The following GREB1L variants were observed in gnomAD, a reference collection of about 807,000 sequenced individuals.
GREB1L encodes the protein GREB1 like retinoic acid receptor coactivator, also known as GREB1-like protein.
Under a neutral mutation model 200.8 loss-of-function variants are expected in GREB1L, and 17 were observed. The observed-to-expected ratio is 0.08, with a 90% CI of 0.06 to 0.13. The LOEUF is 0.13. Among genes scored for constraint, GREB1L ranks in the 10% least tolerant of loss-of-function variants. GREB1L has a pLI of 1.00. For synonymous variants in GREB1L, 789 were observed against 893.0 expected (o/e 0.88, Z 2.08); for missense variants, 1,657 against 2,367.7 (o/e 0.70, Z 6.23).
intron 7 of GREB1L, among the ~76,000 whole-genome samples, chr18:21,422,794 A>G (rs1277955978): frequency 1.3e-5 from 2 of 152,178 alleles, no homozygotes; most frequent in Non-Finnish European, 2.9e-5. Context: ...TGGATCAAAC[A>G]TATACTCATT....
At chr18:21,349,151 A>G (rs570375795) in intron 1 of GREB1L, among the ~76,000 whole-genome samples, 1 of 152,120 alleles carries the variant, frequency 6.6e-6, no homozygotes, top group East Asian at 1.9e-4. Flanking sequence ...TCCTGCAGAA[A>G]CTTTTTATCT....
intron 7 of GREB1L, among the ~76,000 whole-genome samples, chr18:21,406,659 T>C (rs1473366579): frequency 1.1e-4 from 16 of 152,298 alleles, no homozygotes; most frequent in Admixed American, 3.9e-4. Flanking sequence ...CTATAGGAGA[T>C]TGTTTTCTCC....
chr18:21,453,789 G>A (rs1189715744), intron 14 of GREB1L, among the ~76,000 whole-genome samples: 1 of 152,150 alleles, frequency 6.6e-6, no homozygotes, highest in Non-Finnish European at 1.5e-5. Flanking sequence ...TGGGAAGAAA[G>A]GTGAAGGTCG....
At chr18:21,501,581 G>A (rs957826966) in intron 23 of GREB1L, among the ~76,000 whole-genome samples, 3 of 151,980 alleles carry the variant, frequency 2.0e-5, no homozygotes, top group African/African-American at 7.2e-5. Flanking sequence ...TTTTATGGCT[G>A]CAAAAAAGTG....
At chr18:21,358,959 A>G (rs58562690) in intron 1 of GREB1L, among the ~76,000 whole-genome samples, 1,950 of 152,334 alleles carry the variant, frequency 0.013, 44 homozygotes, top group African/African-American at 0.044. Context: ...GTTTGGTGGA[A>G]TCTTAAGGTT....
chr18:21,387,575 C>T (rs1228955307), intron 4 of GREB1L: 2 of 152,186 alleles, frequency 1.3e-5, no homozygotes, highest in Non-Finnish European at 2.9e-5. Flanking sequence ...TTAACCAGAT[C>T]TTCTCGTAGC....
chr18:21,368,300 A>C (rs963317435), intron 2 of GREB1L, among the ~76,000 whole-genome samples: 1 of 152,360 alleles, frequency 6.6e-6, no homozygotes, highest in South Asian at 2.1e-4. Context: ...ATAGTGACTG[A>C]TAATTGCCTA....
At chr18:21,348,251 ACT>A (rs1301098541) in intron 1 of GREB1L, among the ~76,000 whole-genome samples, 1 of 150,580 alleles carries the variant, frequency 6.6e-6, no homozygotes, top group African/African-American at 2.4e-5. Context: ...GGCTTGCTTG[ACT>A]CTTAAATGAC....
intron 16 of GREB1L, 70 bp from the exon 17 acceptor site, chr18:21,477,094 C>A (rs965947943): frequency 2.0e-6 from 2 of 986,668 alleles, no homozygotes; most frequent in African/African-American, 1.6e-5. Flanking sequence ...ACAGTATGTC[C>A]ATGTTAGTGT....
chr18:21,455,319 A>AACACACACACAC (rs10581600), intron 15 of GREB1L, among the ~76,000 whole-genome samples: 2 of 150,638 alleles, frequency 1.3e-5, no homozygotes, highest in Non-Finnish European at 3.0e-5. Context: ...AGCTGAGGAA[A>AACACACACACAC]ACACACACAC....
intron 1 of GREB1L, among the ~76,000 whole-genome samples, chr18:21,297,022 G>A (rs956025870): frequency 1.3e-5 from 2 of 152,120 alleles, no homozygotes; most frequent in Non-Finnish European, 1.5e-5. Flanking sequence ...GTGTACAGCC[G>A]AGGTGAGGGA....
chr18:21,279,504 T>G (rs2144412397), intron 1 of GREB1L, among the ~76,000 whole-genome samples: 1 of 152,360 alleles, frequency 6.6e-6, no homozygotes, highest in East Asian at 1.9e-4. Context: ...AGTTGAAAGT[T>G]ATACTTTTAG....
At chr18:21,459,961 G>T (rs564617417) in intron 15 of GREB1L, among the ~76,000 whole-genome samples, 1 of 152,026 alleles carries the variant, frequency 6.6e-6, no homozygotes, top group Admixed American at 6.6e-5. Context: ...TTTACCCCCC[G>T]CTTCACCACA....
At position 21,333,996 on chromosome 18, in the gene GREB1L, A is replaced by G. The variant is rs2039147493; in HGVS notation, c.-119-32031A>G. Among the ~76,000 whole-genome samples the G allele has an allele frequency of 2.0e-5, 3 of 152,194 alleles. No homozygotes were observed. In the South Asian group the frequency reaches 6.2e-4, roughly 32 times the overall value. ...CGAAGATCTTGCCTAAAAAAAAAAAAAAATTACATTTCTAGTGACTGTACC... is the reference window on the plus strand; with the variant it reads ...CGAAGATCTTGCCTAAAAAAAAAAAGAAATTACATTTCTAGTGACTGTACC... On this transcript the variant is annotated intron_variant, in intron 1 of 32. Coordinates refer to ENST00000424526, the MANE Select transcript of GREB1L (RefSeq NM_001142966.3).
At chr18:21,358,691 G>A (rs1262886096) in intron 1 of GREB1L, among the ~76,000 whole-genome samples, 1 of 152,202 alleles carries the variant, frequency 6.6e-6, no homozygotes, top group Admixed American at 6.5e-5. Flanking sequence ...TTGGGGGAAA[G>A]GTTGGGAGTG....
At chr18:21,274,695 A>T (rs1427200679) in intron 1 of GREB1L, among the ~76,000 whole-genome samples, 1 of 151,758 alleles carries the variant, frequency 6.6e-6, no homozygotes, top group African/African-American at 2.4e-5. Flanking sequence ...AGAGTTTGAG[A>T]CCAGCCTGGG....
At chr18:21,294,948 TG>T (rs1276915910) in intron 1 of GREB1L, among the ~76,000 whole-genome samples, 1 of 152,200 alleles carries the variant, frequency 6.6e-6, no homozygotes, top group Non-Finnish European at 1.5e-5. Context: ...GAATTTCCCT[TG>T]GTATGTGTCC....
chr18:21,327,050 A>T (rs964022240), intron 1 of GREB1L, among the ~76,000 whole-genome samples: 10 of 152,238 alleles, frequency 6.6e-5, no homozygotes. Flanking sequence ...CAACTTAAAA[A>T]TTACAATCAA....
intron 1 of GREB1L, among the ~76,000 whole-genome samples, chr18:21,318,234 A>G (rs963756544): frequency 1.3e-5 from 2 of 152,224 alleles, no homozygotes; most frequent in African/African-American, 4.8e-5. Context: ...GTATGTAGAA[A>G]GTATTCAACA....
Sources: allele counts gnomAD v4.1 joint callset (sites outside exome capture counted in the v4.1 genomes callset), GRCh38; gene constraint gnomAD v4.1.1; transcripts MANE v1.5; gene names NCBI Gene and HGNC (gene_info 2026-07-23, HGNC 2026-07-21).